Variants in RNF212 observed in about 807,000 individuals in gnomAD.
RNF212 encodes probable E3 SUMO-protein ligase RNF212.
In RNF212, 33 loss-of-function variants were observed where a neutral mutation model predicts 34.7. That is an observed-to-expected ratio of 0.95 (90% CI 0.72 to 1.27). The LOEUF is 1.27. Among genes scored for constraint, RNF212 ranks in the 50% most tolerant of loss-of-function variants. The pLI is 0.00. For missense variants in RNF212, 377 were observed against 362.2 expected, an observed-to-expected ratio of 1.04 and a Z score of -0.33; for synonymous variants, 140 against 136.1, an observed-to-expected ratio of 1.03 and a Z score of -0.20.
chr4:1,068,138 A>T (rs949783613), downstream of RNF212, among the ~76,000 whole-genome samples: 1 of 152,234 alleles, frequency 6.6e-6, no homozygotes, highest in Non-Finnish European at 1.5e-5. Context: ...AAATGAAGAG[A>T]ACCTGGAATA....
chr4:1,069,477 C>T (rs1297564788), downstream of RNF212, among the ~76,000 whole-genome samples: 1 of 152,154 alleles, frequency 6.6e-6, no homozygotes, highest in Non-Finnish European at 1.5e-5. Flanking sequence ...ATAGTGGCTG[C>T]AGTGAGAAAG....
intron 4 of RNF212, among the ~76,000 whole-genome samples, chr4:1,090,169 G>A (rs1721963117): frequency 2.0e-5 from 3 of 150,292 alleles, no homozygotes; most frequent in Admixed American, 6.6e-5. Context: ...GGGGTGAGGG[G>A]AGAGATGGGG....
At chr4:1,110,188 C>A (rs536277049) in intron 1 of RNF212, among the ~76,000 whole-genome samples, 1 of 152,148 alleles carries the variant, frequency 6.6e-6, no homozygotes, top group Non-Finnish European at 1.5e-5. Flanking sequence ...GATGCCTGAT[C>A]TATAAATAGT....
intron 5 of RNF212, among the ~76,000 whole-genome samples, chr4:1,085,127 C>G (rs1720963072): frequency 6.6e-6 from 1 of 152,248 alleles, no homozygotes; most frequent in African/African-American, 2.4e-5. Context: ...ATGTTAGTAG[C>G]AGCCAGCAAA....
At chr4:1,090,386 G>A (rs1002970845) in intron 4 of RNF212, among the ~76,000 whole-genome samples, 1 of 152,300 alleles carries the variant, frequency 6.6e-6, no homozygotes, top group Middle Eastern at 3.4e-3. Context: ...CTTTAAAGCT[G>A]GGTTCCTGAC....
At chr4:1,073,446 C>T (rs1350128744) in intron 9 of RNF212, among the ~76,000 whole-genome samples, 153 bp downstream of exon 9, 1 of 152,068 alleles carries the variant, frequency 6.6e-6, no homozygotes, top group Non-Finnish European at 1.5e-5. Flanking sequence ...AAAAGCTGCA[C>T]CATTTTGGTG....
At chr4:1,061,144 G>C (rs1717724632) in intron 3 of RNF212, among the ~76,000 whole-genome samples, 1 of 152,250 alleles carries the variant, frequency 6.6e-6, no homozygotes, top group Non-Finnish European at 1.5e-5. Flanking sequence ...CCAGCCTGAG[G>C]GTGAATACAG....
chr4:1,081,112 G>A (rs757337715), intron 7 of RNF212, among the ~76,000 whole-genome samples: 2 of 152,240 alleles, frequency 1.3e-5, no homozygotes, highest in African/African-American at 4.8e-5. Flanking sequence ...AGGGCTGTCA[G>A]CTGCCGGGCA....
At chr4:1,063,277 A>G (rs896194510) in intron 3 of RNF212, among the ~76,000 whole-genome samples, 1 of 152,264 alleles carries the variant, frequency 6.6e-6, no homozygotes, top group African/African-American at 2.4e-5. Context: ...ACAAAGTTGG[A>G]AAACTCACAC....
At chr4:1,078,106 C>A (rs1402016023) in intron 8 of RNF212, among the ~76,000 whole-genome samples, 2 of 152,208 alleles carry the variant, frequency 1.3e-5, no homozygotes, top group African/African-American at 4.8e-5. Flanking sequence ...AGGGCTGCTA[C>A]ACGACTGAGT....
intron 5 of RNF212, 90 bp from the exon 6 acceptor site, chr4:1,081,709 A>G: frequency 1.1e-6 from 1 of 896,476 alleles, no homozygotes; most frequent in South Asian, 1.4e-5. Context: ...AAGGCTCTGA[A>G]TCAGTGAAAT....
chr4:1,059,631 C>A (rs981700654), intron 3 of RNF212, among the ~76,000 whole-genome samples: 4 of 152,246 alleles, frequency 2.6e-5, no homozygotes, highest in Non-Finnish European at 5.9e-5. Context: ...CTGGGGGTCT[C>A]TGGGGAACTA....
At chr4:1,088,586 T>C (rs773737947) in intron 4 of RNF212, among the ~76,000 whole-genome samples, 6 of 152,212 alleles carry the variant, frequency 3.9e-5, no homozygotes, top group Non-Finnish European at 7.3e-5. Context: ...TGCAGAAATG[T>C]GCATAAGTAA....
At chr4:1,073,307 C>A in intron 9 of RNF212, 114 bp from the exon 10 acceptor site, 1 of 1,398,352 alleles carries the variant, frequency 7.2e-7, no homozygotes, top group Admixed American at 2.6e-5. Flanking sequence ...CAATTCAAAG[C>A]CAATTACCAG....
At chr4:1,097,810 A>G (rs1304659393) in intron 2 of RNF212, among the ~76,000 whole-genome samples, 2 of 152,212 alleles carry the variant, frequency 1.3e-5, no homozygotes, top group Admixed American at 6.5e-5. Context: ...CACGCCTGTC[A>G]TCCCAGCACT....
intron 4 of RNF212, among the ~76,000 whole-genome samples, chr4:1,089,333 C>A (rs562918406): frequency 1.3e-5 from 2 of 152,338 alleles, no homozygotes; most frequent in Admixed American, 1.3e-4. Flanking sequence ...TCTGGACTTG[C>A]ATGGGGCCTG....
intron 5 of RNF212, among the ~76,000 whole-genome samples, chr4:1,085,534 C>T (rs1721023846): frequency 6.6e-6 from 1 of 152,224 alleles, no homozygotes; most frequent in Non-Finnish European, 1.5e-5. Context: ...AGCAGGCAGC[C>T]AGGCTGCAGG....
intron 3 of RNF212, among the ~76,000 whole-genome samples, chr4:1,091,771 C>G (rs2153052468): frequency 6.6e-6 from 1 of 152,348 alleles, no homozygotes; most frequent in South Asian, 2.1e-4. Flanking sequence ...TCCTCCAGGA[C>G]AGCAGGGATG....
intron 8 of RNF212, among the ~76,000 whole-genome samples, chr4:1,076,842 T>C (rs1450035652): frequency 2.0e-5 from 3 of 152,258 alleles, no homozygotes; most frequent in African/African-American, 7.2e-5. Context: ...GTCATGCCTA[T>C]TAGCTTCCAT....
Sources: gnomAD v4.1 joint callset for allele counts (sites outside exome capture counted in the v4.1 genomes callset) on GRCh38, gnomAD v4.1.1 for gene constraint, MANE v1.5 for transcripts, NCBI Gene and HGNC (gene_info 2026-07-23, HGNC 2026-07-21) for gene names.